Variants in ANKRD18A observed in about 807,000 individuals in gnomAD.
The protein encoded by ANKRD18A is ankyrin repeat domain 18A.
A neutral mutation model predicts 110.6 loss-of-function variants in ANKRD18A; 72 were observed. That is an observed-to-expected ratio of 0.65 (90% CI 0.54 to 0.79). The LOEUF (loss-of-function observed/expected upper bound fraction) is 0.79, where lower values mean the gene tolerates loss of function less well. Ranked by LOEUF, ANKRD18A falls within the 30% of genes least tolerant of loss-of-function variation. ANKRD18A has a pLI of 0.00. For synonymous variants in ANKRD18A, 305 were observed against 410.3 expected (o/e 0.74, Z 3.10); for missense variants, 934 against 1,163.3 (o/e 0.80, Z 2.87).
intron 14 of ANKRD18A, 48 bp downstream of exon 14, chr9:38,577,005 A>C (rs753979287): frequency 9.9e-6 from 15 of 1,508,854 alleles, no homozygotes; most frequent in Non-Finnish European, 1.3e-5. Context: ...CTTTTAAGAC[A>C]AATTAATGAG....
At chr9:38,567,508 C>G (rs57145124), downstream of ANKRD18A, 9,035 of 153,036 alleles carry the variant, frequency 0.059, 909 homozygotes, top group African/African-American at 0.2. Flanking sequence ...TGAATTTCAG[C>G]CACAGTGTCC....
intron 6 of ANKRD18A, chr9:38,604,812 A>G (rs1367559913): frequency 6.7e-6 from 1 of 148,468 alleles, no homozygotes; most frequent in Non-Finnish European, 1.5e-5. Context: ...TTTTTGCACT[A>G]GTAAATTTGA....
chr9:38,595,991 T>C lies in ANKRD18A; in HGVS notation c.1349A>G (p.Asp450Gly), dbSNP rs757289252. ...KDLELVLWRADDVSRHEKMGS... is the reference protein window; with the variant it reads ...KDLELVLWRAGDVSRHEKMGS... ...CATTTTTTCATGTCTAGAAACATCA[T>C]CTGCTCTCCATAAAACTAGTTCTAG... The change falls in exon 9 of 16, where the codon GAT becomes GGT. Residue 450 changes from aspartate to glycine, a missense_variant. By Grantham distance (94) the Asp-to-Gly change is moderately conservative. This residue lies in a region of ANKRD18A where 630 missense variants were observed against 797.5 expected (regional missense o/e 0.79). Transcript: ENST00000399703. 17 of 1,550,088 alleles carry C rather than the reference T, an allele frequency of 1.1e-5. No individual in the cohort carries two copies. The highest frequency in any genetic ancestry group is 1.5e-5 in the Non-Finnish European group (17 of 1,146,212).
chr9:38,618,997 T>C (rs1234289885), intron 1 of ANKRD18A, among the ~76,000 whole-genome samples: 1 of 150,240 alleles, frequency 6.7e-6, no homozygotes, highest in Non-Finnish European at 1.5e-5. Flanking sequence ...TCTGAATATA[T>C]ATTTTTATAT....
At chr9:38,590,435 A>G (rs1449524219) in intron 10 of ANKRD18A, among the ~76,000 whole-genome samples, 3 of 151,952 alleles carry the variant, frequency 2.0e-5, no homozygotes, top group Non-Finnish European at 4.4e-5. Context: ...TATTTTTAGT[A>G]GAGACAGGGT....
chr9:38,585,975 G>GA (rs1824362221), intron 12 of ANKRD18A, among the ~76,000 whole-genome samples: 1 of 152,130 alleles, frequency 6.6e-6, no homozygotes, highest in Non-Finnish European at 1.5e-5. Flanking sequence ...CATGGACTCA[G>GA]GGAAGGGAAC....
chr9:38,578,124 C>T lies in ANKRD18A; in HGVS notation c.2272G>A (p.Glu758Lys). The T allele has an allele frequency of 6.5e-7, 1 of 1,545,946 alleles. No homozygotes were observed. The highest frequency in any genetic ancestry group is 8.7e-7 in the Non-Finnish European group (1 of 1,145,726). ...QKFNDLVAEKEAVSSECVNLA... is the reference protein window; with the variant it reads ...QKFNDLVAEKKAVSSECVNLA... Reference sequence around the variant, plus strand: ...TTGACACATTCTGAAGACACAGCTTCCTTCTCGGCCACAAGATCATTAAAC... The same window carrying T: ...TTGACACATTCTGAAGACACAGCTTTCTTCTCGGCCACAAGATCATTAAAC... Residue 758 changes from glutamate (E) to lysine (K), a missense_variant, in exon 13 of 16, where the codon GAA becomes AAA. Physicochemically the swap from Glu to Lys is moderately conservative, Grantham distance 56. This residue lies in a region of ANKRD18A where 79 missense variants were observed against 122.8 expected (regional missense o/e 0.64). Coordinates refer to ENST00000399703, the MANE Select transcript of ANKRD18A (RefSeq NM_147195.4).
intron 5 of ANKRD18A, among the ~76,000 whole-genome samples, chr9:38,608,592 T>A (rs1402492518): frequency 6.8e-6 from 1 of 146,398 alleles, no homozygotes; most frequent in Non-Finnish European, 1.5e-5. Flanking sequence ...ATATAATCTA[T>A]AACTATATAG....
chr9:38,577,233 T>C lies in ANKRD18A; in HGVS notation c.2561A>G (p.Gln854Arg), dbSNP rs1823936146. ...KQAEYEKQLE[Q>R]LNKDNTASLK... Reference sequence around the variant, plus strand: ...TGAAGCCGTATTATCCTTGTTTAACTGCTCTAATTGTTTTTCATATTCTGC... The same window carrying C: ...TGAAGCCGTATTATCCTTGTTTAACCGCTCTAATTGTTTTTCATATTCTGC... Residue 854 changes from glutamine to arginine, a missense_variant, in exon 14 of 16, where the codon CAG becomes CGG. Coordinates refer to ENST00000399703, the MANE Select transcript of ANKRD18A (RefSeq NM_147195.4). 1 of 1,534,756 alleles carries C rather than the reference T, an allele frequency of 6.5e-7. No individual in the cohort carries two copies. Among genetic ancestry groups the C allele is most frequent in the Admixed American group, 2.1e-5 (1 of 47,016 alleles).
In ANKRD18A at chr9:38,620,183, G is replaced by A. The variant is rs142303885; in HGVS notation, c.103C>T (p.Leu35=). 1,189 of 1,560,636 alleles carry A rather than the reference G, an allele frequency of 7.6e-4. 6 individuals carry two copies. In the Middle Eastern group the frequency reaches 0.01, roughly 13 times the overall value. ...GPGYDIRDWE[L]RKIHRAAIKG... is the part of the protein sequence containing the mutation. ...ATGGCAGCCCTGTGGATCTTCCGCA[G>A]TTCCCAGTCCCGAATGTCGTAACCC... is the stretch of plus-strand genomic sequence containing the variant. Residue 35 remains leucine, a synonymous_variant, in exon 1 of 16, where the codon CTG becomes TTG. Transcript: ENST00000399703.
intron 12 of ANKRD18A, among the ~76,000 whole-genome samples, chr9:38,581,962 G>A (rs1231679562): frequency 6.6e-6 from 1 of 152,170 alleles, no homozygotes; most frequent in African/African-American, 2.4e-5. Flanking sequence ...CAGAAACCGT[G>A]GTTTCTGAGA....
At position 38,611,262 on chromosome 9, in the gene ANKRD18A, A is replaced by C; in HGVS notation, c.555T>G (p.Phe185Leu). Residue 185 changes from phenylalanine (F) to leucine (L), a missense_variant, in exon 4 of 16, where the codon TTT (phenylalanine) becomes TTG (leucine). Phe to Leu is a conservative substitution (Grantham distance 22). Coordinates refer to ENST00000399703, the MANE Select transcript of ANKRD18A (RefSeq NM_147195.4). ...GTATATTTGCCTGGTTCTTCAATAA[A>C]AATTCCACCATATGCTGTCTCCTGG... ...INSRRQHMVE[F>L]LLKNQANIHA... The C allele has an allele frequency of 2.6e-6, 4 of 1,531,420 alleles. No homozygotes were observed. The highest frequency in any genetic ancestry group is 3.5e-6 in the Non-Finnish European group (4 of 1,140,518). The allele number at this position is 1,531,420 out of a possible 1,614,324, so 94.9% of individuals were successfully genotyped here.
At chr9:38,613,775 A>G (rs1166233789) in intron 3 of ANKRD18A, among the ~76,000 whole-genome samples, 2 of 152,226 alleles carry the variant, frequency 1.3e-5, no homozygotes, top group African/African-American at 2.4e-5. Flanking sequence ...CTGCAACTGA[A>G]ACAAAAAGGT....
In ANKRD18A at chr9:38,620,399, C is replaced by T; in HGVS notation, c.-114G>A. 7.5e-7 allele frequency: 1 copy of T among 1,338,646 alleles called. No homozygotes were observed. Among genetic ancestry groups the T allele is most frequent in the Non-Finnish European group, 1.0e-6 (1 of 1,002,684 alleles). The allele number at this position is 1,338,646 out of a possible 1,614,324, so 82.9% of individuals were successfully genotyped here. ...GATCTCCCCCGCAACCCGCGATCCCCCCCGCAACCCGCGATCCACCCCCAA... is the reference window on the plus strand; with the variant it reads ...GATCTCCCCCGCAACCCGCGATCCCTCCCGCAACCCGCGATCCACCCCCAA... On this transcript the variant is annotated 5_prime_UTR_variant, in exon 1 of 16. Transcript: ENST00000399703.
At chr9:38,610,482 T>C in intron 4 of ANKRD18A, 72 bp from the exon 5 acceptor site, 4 of 1,484,728 alleles carry the variant, frequency 2.7e-6, no homozygotes, top group Non-Finnish European at 3.6e-6. Context: ...TGGATACACT[T>C]TACCAATTTC....
chr9:38,616,293 G>A (rs1287672572), intron 1 of ANKRD18A, among the ~76,000 whole-genome samples: 2 of 152,162 alleles, frequency 1.3e-5, no homozygotes, highest in South Asian at 2.1e-4. Context: ...CTTTGAACTC[G>A]GTCACGTACC....
At chr9:38,572,394 A>T (rs1317291145) in intron 15 of ANKRD18A, 1 of 189,650 alleles carries the variant, frequency 5.3e-6, no homozygotes, top group Non-Finnish European at 1.1e-5. Flanking sequence ...TAATGTCCAT[A>T]TAGAGTCATA....
chr9:38,571,161 T>G (rs1163742100), downstream of ANKRD18A: 1 of 1,534,554 alleles, frequency 6.5e-7, no homozygotes, highest in Non-Finnish European at 8.7e-7. Context: ...TGGGGACTAG[T>G]GAGCGCATGA....
At chr9:38,594,225 C>G (rs1213392800) in intron 9 of ANKRD18A, among the ~76,000 whole-genome samples, 2 of 152,168 alleles carry the variant, frequency 1.3e-5, no homozygotes, top group Non-Finnish European at 2.9e-5. Flanking sequence ...ATTCCTACCT[C>G]AGAATAAAAT....
Sources: gnomAD v4.1 joint callset for allele counts (sites outside exome capture counted in the v4.1 genomes callset) on GRCh38, gnomAD v4.1.1 for gene constraint, gnomAD v4.1.1 regional missense constraint, MANE v1.5 for transcripts, NCBI Gene and HGNC (gene_info 2026-07-23, HGNC 2026-07-21) for gene names.